Variants in PREP observed in about 807,000 individuals in gnomAD.
The protein encoded by PREP is prolyl endopeptidase, also known as dJ355L5.1 (prolyl endopeptidase).
Under a neutral mutation model 87.6 loss-of-function variants are expected in PREP, and 29 were observed. The observed-to-expected ratio is 0.33, with a 90% CI of 0.25 to 0.45. The LOEUF (loss-of-function observed/expected upper bound fraction) is 0.45, where lower values mean the gene tolerates loss of function less well. PREP is among the 20% of genes least tolerant of loss of function. The pLI, the probability that PREP is intolerant of heterozygous loss-of-function variation, is 1.00. For synonymous variants in PREP, 337 were observed against 328.6 expected (o/e 1.03, Z -0.28); for missense variants, 695 against 886.5 (o/e 0.78, Z 2.74).
At chr6:105,308,660 A>T (rs78244271) in intron 10 of PREP, among the ~76,000 whole-genome samples, 4 of 144,564 alleles carry the variant, frequency 2.8e-5, no homozygotes, top group South Asian at 2.2e-4. Context: ...CAGAAATATT[A>T]AAAAAAAAAA....
chr6:105,312,545 T>C (rs866482191), intron 10 of PREP, among the ~76,000 whole-genome samples: 1 of 152,222 alleles, frequency 6.6e-6, no homozygotes, highest in Non-Finnish European at 1.5e-5. Context: ...AACTGTTTAA[T>C]TGTGACAGCC....
chr6:105,307,300 A>G (rs1417369106), intron 10 of PREP, among the ~76,000 whole-genome samples: 2 of 151,812 alleles, frequency 1.3e-5, no homozygotes, highest in South Asian at 2.1e-4. Flanking sequence ...TTTCTTCATT[A>G]TTTGTTCCTT....
At chr6:105,366,925 C>T (rs1304332281) in intron 6 of PREP, among the ~76,000 whole-genome samples, 4 of 151,812 alleles carry the variant, frequency 2.6e-5, no homozygotes, top group African/African-American at 9.7e-5. Flanking sequence ...CAGGTGATGG[C>T]AGTGGTGGGT....
At chr6:105,333,540 A>C (rs751892133) in intron 7 of PREP, 35 bp from the exon 8 acceptor site, 79 of 1,599,360 alleles carry the variant, frequency 4.9e-5, no homozygotes, top group Admixed American at 6.7e-5. Context: ...TCATCTCTCT[A>C]ATGTTTAAAA....
intron 2 of PREP, among the ~76,000 whole-genome samples, chr6:105,391,812 G>A (rs1162061930): frequency 6.6e-6 from 1 of 152,178 alleles, no homozygotes; most frequent in African/African-American, 2.4e-5. Context: ...GGGTTTGCTT[G>A]TTTGTTTGCC....
At chr6:105,284,518 CTG>C (rs1452370077) in intron 12 of PREP, among the ~76,000 whole-genome samples, 2 of 152,104 alleles carry the variant, frequency 1.3e-5, no homozygotes, top group Non-Finnish European at 1.5e-5. Flanking sequence ...AGGGTGGTCT[CTG>C]ATGCTGAGGA....
At chr6:105,366,193 G>C (rs1772379053) in intron 6 of PREP, among the ~76,000 whole-genome samples, 1 of 152,154 alleles carries the variant, frequency 6.6e-6, no homozygotes, top group African/African-American at 2.4e-5. Context: ...GGAGGTGGAG[G>C]TTGGAGTCAG....
In PREP at chr6:105,323,686, A is replaced by G. The variant is rs759070293; in HGVS notation, c.1296T>C (p.Ala432=). Residue 432 remains alanine, a synonymous_variant, in exon 10 of 15, where the codon GCT becomes GCC. Transcript: ENST00000652536. ...ATACCTGGACTGTCTGGTAATCAGAAGCATCAATTCCTTTTACGGTCACCT... is the reference window on the plus strand; with the variant it reads ...ATACCTGGACTGTCTGGTAATCAGAGGCATCAATTCCTTTTACGGTCACCT... ...FREVTVKGID[A]SDYQTVQIFY... 1.5e-5 allele frequency: 24 copies of G among 1,611,732 alleles called. No homozygotes were observed. The highest frequency in any genetic ancestry group is 2.0e-5 in the Non-Finnish European group (24 of 1,177,864).
At chr6:105,389,093 C>T (rs1381607792) in intron 2 of PREP, among the ~76,000 whole-genome samples, 1 of 152,168 alleles carries the variant, frequency 6.6e-6, no homozygotes, top group Non-Finnish European at 1.5e-5. Context: ...TCTTTAAAGT[C>T]AAACATTCTG....
chr6:105,363,040 A>G (rs1772295426), intron 6 of PREP, among the ~76,000 whole-genome samples: 1 of 152,160 alleles, frequency 6.6e-6, no homozygotes, highest in Admixed American at 6.5e-5. Context: ...AACACACTTT[A>G]TATGTTAATA....
At chr6:105,305,318 A>G (rs1770630836) in intron 10 of PREP, among the ~76,000 whole-genome samples, 1 of 152,140 alleles carries the variant, frequency 6.6e-6, no homozygotes, top group African/African-American at 2.4e-5. Flanking sequence ...TTGTGCAACC[A>G]AGCAGTTCAT....
chr6:105,363,545 C>T (rs899061526), intron 6 of PREP, among the ~76,000 whole-genome samples: 1 of 152,262 alleles, frequency 6.6e-6, no homozygotes, highest in Non-Finnish European at 1.5e-5. Context: ...CCCAGGGGCA[C>T]AAGGGAGCTC....
intron 6 of PREP, among the ~76,000 whole-genome samples, chr6:105,353,531 G>T (rs1772011897): frequency 6.6e-6 from 1 of 152,082 alleles, no homozygotes. Context: ...AGCACTTTGG[G>T]AAGCCGAGTG....
rs144720228 is a variant in PREP at position 105,393,265 on chromosome 6, G to A, written c.120+4588C>T. 2.1e-4 allele frequency among the ~76,000 whole-genome samples: 32 copies of A among 152,258 alleles called. No individual in the cohort carries two copies. In the East Asian group the frequency reaches 6.2e-3, roughly 29 times the overall value. On this transcript the variant is annotated intron_variant, in intron 2 of 14. Transcript: ENST00000652536. ...TATAAGATCTGAAATGCTACCAGTA[G>A]GTCTTGGATTTAATCTAGTATTTAA... is the stretch of plus-strand genomic sequence containing the variant.
Position 105,278,106 on chromosome 6 carries a change from G to A in PREP, c.*38C>T, listed in dbSNP as rs1769985626. The A allele has an allele frequency of 1.0e-5, 16 of 1,580,378 alleles. No individual in the cohort carries two copies. The highest frequency in any genetic ancestry group is 1.4e-5 in the Non-Finnish European group (16 of 1,159,960). On this transcript the variant is annotated 3_prime_UTR_variant, in exon 15 of 15. Coordinates refer to ENST00000652536, the MANE Select transcript of PREP (RefSeq NM_002726.5). This position sits in a 1 kb window ranked among gnomAD's most constrained non-coding sequence, Gnocchi z 4.2. ...GGTGTCAACGTGGGAAAGCCCTTGA[G>A]GTTTTCTGTCGCTGTCAGGAGGAAG...
At chr6:105,385,562 T>TG (rs1772969928) in intron 2 of PREP, among the ~76,000 whole-genome samples, 1 of 151,952 alleles carries the variant, frequency 6.6e-6, no homozygotes, top group African/African-American at 2.4e-5. Flanking sequence ...TGAAACAAAA[T>TG]GGGGGGAAAA....
intron 7 of PREP, among the ~76,000 whole-genome samples, chr6:105,349,343 T>C (rs1771881097): frequency 6.6e-6 from 1 of 152,188 alleles, no homozygotes; most frequent in Non-Finnish European, 1.5e-5. Context: ...CCACACTTAT[T>C]TGACAAAATG....
chr6:105,274,498 G>A lies in PREP; in HGVS notation c.*3646C>T, dbSNP rs1327911676. Among the ~76,000 whole-genome samples the A allele has an allele frequency of 6.6e-6, 1 of 152,166 alleles. No homozygotes were observed. Among genetic ancestry groups the A allele is most frequent in the Non-Finnish European group, 1.5e-5 (1 of 68,030 alleles). On this transcript the variant is annotated 3_prime_UTR_variant, in exon 15 of 15. Transcript: ENST00000652536. Reference sequence around the variant, plus strand: ...AGAGCTGTTTCGGCTGGGCATGGTGGCTCATGCCTGTAATCCCAGCATTTT... The same window carrying A: ...AGAGCTGTTTCGGCTGGGCATGGTGACTCATGCCTGTAATCCCAGCATTTT...
chr6:105,368,397 A>G (rs879263196), intron 6 of PREP, among the ~76,000 whole-genome samples: 2 of 152,220 alleles, frequency 1.3e-5, no homozygotes, highest in Non-Finnish European at 2.9e-5. Context: ...GGTCCCTGTC[A>G]AGACCCCCAA....
Sources: gnomAD v4.1 joint callset for allele counts (sites outside exome capture counted in the v4.1 genomes callset) on GRCh38, gnomAD v4.1.1 for gene constraint, Gnocchi (gnomAD v3.1) non-coding constraint, MANE v1.5 for transcripts, NCBI Gene and HGNC (gene_info 2026-07-23, HGNC 2026-07-21) for gene names.